PNLIPRP3: variants seen among roughly 807,000 people sequenced by gnomAD.
PNLIPRP3 encodes the protein pancreatic lipase-related protein 3.
Under a neutral mutation model 52.8 loss-of-function variants are expected in PNLIPRP3, and 58 were observed. That is an observed-to-expected ratio of 1.10 (90% CI 0.89 to 1.37). The LOEUF (loss-of-function observed/expected upper bound fraction) is 1.37, where lower values mean the gene tolerates loss of function less well. Ranked by LOEUF, PNLIPRP3 falls within the 40% of genes most tolerant of loss-of-function variation. PNLIPRP3 has a pLI of 0.00. For missense variants in PNLIPRP3, 593 were observed against 561.6 expected, an observed-to-expected ratio of 1.06 and a Z score of -0.57; for synonymous variants, 192 against 185.0, an observed-to-expected ratio of 1.04 and a Z score of -0.31.
intron 2 of PNLIPRP3, 23 bp downstream of exon 2, chr10:116,436,888 C>T: frequency 6.5e-7 from 1 of 1,550,046 alleles, no homozygotes; most frequent in Non-Finnish European, 8.8e-7. Context: ...GCAGCCTTCA[C>T]ACATGGATTA....
chr10:116,462,670 A>G (rs1410032782), intron 7 of PNLIPRP3, among the ~76,000 whole-genome samples: 2 of 152,182 alleles, frequency 1.3e-5, no homozygotes. Flanking sequence ...AATTCATACA[A>G]AAGAGGCATA....
intron 2 of PNLIPRP3, chr10:116,439,658 A>G (rs951133757): frequency 2.6e-6 from 2 of 764,184 alleles, no homozygotes; most frequent in Non-Finnish European, 4.8e-6. Flanking sequence ...AAGTTATTCC[A>G]CATCTCACCC....
chr10:116,465,192 A>T (rs1348303900), intron 7 of PNLIPRP3, among the ~76,000 whole-genome samples: 5 of 152,094 alleles, frequency 3.3e-5, no homozygotes, highest in Non-Finnish European at 5.9e-5. Context: ...GCTCAGAATG[A>T]GGGAGGTGTT....
In PNLIPRP3 at chr10:116,461,276, A is replaced by G. The variant is rs764738281; in HGVS notation, c.794A>G (p.Asn265Ser). The G allele has an allele frequency of 2.5e-6, 4 of 1,612,508 alleles. No individual in the cohort carries two copies. The highest frequency in any genetic ancestry group is 1.3e-5 in the African/African-American group (1 of 74,992). The change falls in exon 7 of 12, where the codon AAT becomes AGT. Residue 265 changes from asparagine to serine, a missense_variant. Physicochemically the swap from Asn to Ser is conservative, Grantham distance 46. Coordinates refer to ENST00000369230, the MANE Select transcript of PNLIPRP3 (RefSeq NM_001011709.3). ...ACACCTTTACTGAAATTTAACTTCA[A>G]TGCTTACAAAAAAGGTAAATACTTT... ...LITPLLKFNFNAYKKEMASFF... is the reference protein window; with the variant it reads ...LITPLLKFNFSAYKKEMASFF...
In PNLIPRP3 at chr10:116,436,728, GA is replaced by G; in HGVS notation, c.70del (p.Arg24GlyfsTer2). On this transcript the variant is annotated frameshift_variant, in exon 2 of 12. Transcript: ENST00000369230. LOFTEE classifies it high-confidence loss of function. ...GTSRGKEVCY[E>X]RLGCFKDGLP... ...TGCTGCAGGAAAAGAAGTTTGCTAT[GA>G]AAGGTTAGGGTGTTTCAAAGATGGT... The G allele has an allele frequency of 6.2e-7, 1 of 1,609,614 alleles. No homozygotes were observed. The highest frequency in any genetic ancestry group is 8.5e-7 in the Non-Finnish European group (1 of 1,177,330).
chr10:116,471,102 A>G (rs945568810), intron 9 of PNLIPRP3, among the ~76,000 whole-genome samples: 2 of 152,216 alleles, frequency 1.3e-5, no homozygotes, highest in African/African-American at 4.8e-5. Context: ...TCAAATAATC[A>G]TATGAAGAAT....
intron 5 of PNLIPRP3, among the ~76,000 whole-genome samples, chr10:116,456,797 G>A (rs1279559976): frequency 6.6e-6 from 1 of 152,162 alleles, no homozygotes; most frequent in African/African-American, 2.4e-5. Context: ...CAGCCAGTAA[G>A]CAAGCCCCAC....
intron 4 of PNLIPRP3, among the ~76,000 whole-genome samples, chr10:116,452,699 G>T (rs2099312): frequency 6.6e-6 from 1 of 152,192 alleles, no homozygotes; most frequent in Non-Finnish European, 1.5e-5. Context: ...TCTGGAGGGT[G>T]CAAGCCATGA....
At chr10:116,439,315 C>G (rs1032352780) in intron 2 of PNLIPRP3, among the ~76,000 whole-genome samples, 2 of 152,176 alleles carry the variant, frequency 1.3e-5, no homozygotes, top group Admixed American at 1.3e-4. Context: ...TTCTAGAGCA[C>G]TTTGAGAGAC....
intron 1 of PNLIPRP3, among the ~76,000 whole-genome samples, chr10:116,430,364 G>A (rs552019419): frequency 6.6e-6 from 1 of 152,102 alleles, no homozygotes; most frequent in South Asian, 2.1e-4. Flanking sequence ...GAAGGGCCTA[G>A]GAAAATATGA....
At chr10:116,432,525 A>T (rs1449348861) in intron 1 of PNLIPRP3, among the ~76,000 whole-genome samples, 1 of 152,242 alleles carries the variant, frequency 6.6e-6, no homozygotes, top group Non-Finnish European at 1.5e-5. Context: ...TAATAAAAAT[A>T]AAAATATAAG....
At chr10:116,441,914 A>G (rs894781789) in intron 2 of PNLIPRP3, among the ~76,000 whole-genome samples, 4 of 152,166 alleles carry the variant, frequency 2.6e-5, no homozygotes, top group African/African-American at 9.7e-5. Flanking sequence ...TAGCTATTAT[A>G]ATTACTGAGC....
intron 10 of PNLIPRP3, among the ~76,000 whole-genome samples, chr10:116,476,326 T>G (rs1354921378): frequency 6.6e-6 from 1 of 152,160 alleles, no homozygotes; most frequent in Non-Finnish European, 1.5e-5. Flanking sequence ...GAGAGTTTCT[T>G]GATTTCCTGG....
chr10:116,461,502 T>A (rs1045677673), intron 7 of PNLIPRP3, among the ~76,000 whole-genome samples: 10 of 152,170 alleles, frequency 6.6e-5, no homozygotes, highest in African/African-American at 2.4e-4. Context: ...GCCTTATCAA[T>A]CTCTAGCATA....
At chr10:116,476,887 T>TA (rs1216123807) in intron 11 of PNLIPRP3, 68 bp downstream of exon 11, 1 of 1,426,290 alleles carries the variant, frequency 7.0e-7, no homozygotes, top group East Asian at 2.3e-5. Context: ...AACCCACAGA[T>TA]AATTTGAAAT....
At position 116,443,797 on chromosome 10, in the gene PNLIPRP3, GTGTGCATATATATATATATATATA is replaced by G. The variant is rs1458198894; in HGVS notation, c.325-583_325-560del. Among the ~76,000 whole-genome samples, 723 of 120,116 alleles carry G rather than the reference GTGTGCATATATATATATATATATA, an allele frequency of 6.0e-3. 13 individuals carry two copies. Among genetic ancestry groups the G allele is most frequent in the African/African-American group, 0.019 (538 of 28,628 alleles). The allele number at this position is 120,116 out of a possible 152,430, so 78.8% of individuals were successfully genotyped here. ...TGTGTGTGTGTGTGTATGTATGTGT[GTGTGCATATATATATATATATATA>G]TATATATATATATATATATATATGG... On this transcript the variant is annotated intron_variant, in intron 3 of 11. Coordinates refer to ENST00000369230, the MANE Select transcript of PNLIPRP3 (RefSeq NM_001011709.3).
At chr10:116,472,193 T>C (rs1367318391) in intron 10 of PNLIPRP3, among the ~76,000 whole-genome samples, 1 of 152,216 alleles carries the variant, frequency 6.6e-6, no homozygotes, top group African/African-American at 2.4e-5. Flanking sequence ...TCACTTAATA[T>C]TATACAAATA....
intron 1 of PNLIPRP3, among the ~76,000 whole-genome samples, chr10:116,431,054 G>A (rs1845703105): frequency 6.6e-6 from 1 of 152,152 alleles, no homozygotes; most frequent in Non-Finnish European, 1.5e-5. Flanking sequence ...AAAACACCTT[G>A]CATCATCCTT....
chr10:116,442,985 G>C, intron 2 of PNLIPRP3, 70 bp from the exon 3 acceptor site: 1 of 1,242,530 alleles, frequency 8.0e-7, no homozygotes, highest in Admixed American at 2.8e-5. Flanking sequence ...AGCAGCTTTA[G>C]AATAGGTCTA....
Sources: allele counts gnomAD v4.1 joint callset (sites outside exome capture counted in the v4.1 genomes callset), GRCh38; gene constraint gnomAD v4.1.1; transcripts MANE v1.5; gene names NCBI Gene and HGNC (gene_info 2026-07-23, HGNC 2026-07-21).